Variants in LHX2 observed in about 807,000 individuals in gnomAD.
LHX2 encodes LIM homeobox 2.
LHX2 carries 6 observed loss-of-function variants against 33.0 expected under a neutral mutation model. The ratio of observed to expected loss-of-function variants is 0.18; its 90% CI spans 0.10 to 0.36. LHX2 has a LOEUF of 0.36. LHX2 is among the 10% of genes least tolerant of loss of function. LHX2 has a pLI of 1.00. For missense variants in LHX2, 442 were observed against 586.2 expected, an observed-to-expected ratio of 0.75 and a Z score of 2.54; for synonymous variants, 292 against 253.1, an observed-to-expected ratio of 1.15 and a Z score of -1.46.
chr9:124,030,833 A>G (rs1285501164), intron 4 of LHX2, among the ~76,000 whole-genome samples: 1 of 151,820 alleles, frequency 6.6e-6, no homozygotes, highest in East Asian at 1.9e-4. Context: ...GGGTTTCACC[A>G]TGTTGGACAG....
Position 124,012,323 on chromosome 9 carries a change from C to G in LHX2, c.-26C>G. The G allele has an allele frequency of 2.0e-6, 3 of 1,482,368 alleles. No homozygotes were observed. The highest frequency in any genetic ancestry group is 2.7e-6 in the Non-Finnish European group (3 of 1,121,504). 91.8% of individuals were successfully genotyped at this position (1,482,368 alleles called of 1,614,324 possible). A position where few individuals can be genotyped will look rare whatever the true frequency, so the allele number is the denominator to read the frequency against. On this transcript the variant is annotated 5_prime_UTR_variant, in exon 1 of 5. Transcript: ENST00000373615. This position sits in a 1 kb window ranked among gnomAD's most constrained non-coding sequence, Gnocchi z 4.3. Reference sequence around the variant, plus strand: ...CAAGCCCTCCCTCGGAGGAGCCGCGCCCCCGGCCCCGCCGGTCCCGCCGCG... The same window carrying G: ...CAAGCCCTCCCTCGGAGGAGCCGCGGCCCCGGCCCCGCCGGTCCCGCCGCG...
At chr9:124,026,460 C>CA (rs112864105) in intron 4 of LHX2, among the ~76,000 whole-genome samples, 3,768 of 78,604 alleles carry the variant, frequency 0.048, 148 homozygotes, top group African/African-American at 0.14. Flanking sequence ...GACTCTGTCT[C>CA]AAAAAAAAAA....
At chr9:124,019,814 C>T (rs1322251940) in intron 3 of LHX2, among the ~76,000 whole-genome samples, 3 of 152,212 alleles carry the variant, frequency 2.0e-5, no homozygotes, top group African/African-American at 7.2e-5. Context: ...ATGAGGCTTA[C>T]CCCAAGGCAA....
chr9:124,018,287 G>A (rs115954919), intron 3 of LHX2, among the ~76,000 whole-genome samples: 34 of 132,380 alleles, frequency 2.6e-4, no homozygotes, highest in Middle Eastern at 4.4e-3. Context: ...AAAAAAAAAA[G>A]GAGAGAGAAA....
chr9:124,032,519 A>G lies in LHX2; in HGVS notation c.1033A>G (p.Thr345Ala). 2 of 1,613,732 alleles carry G rather than the reference A, an allele frequency of 1.2e-6. No homozygotes were observed. Among genetic ancestry groups the G allele is most frequent in the Admixed American group, 1.7e-5 (1 of 60,014 alleles). Residue 345 changes from threonine (T) to alanine (A), a missense_variant, in exon 5 of 5, where the codon ACG becomes GCG. Thr to Ala is a moderately conservative substitution (Grantham distance 58). Coordinates refer to ENST00000373615, the MANE Select transcript of LHX2 (RefSeq NM_004789.4). This position sits in a 1 kb window ranked among gnomAD's most constrained non-coding sequence, Gnocchi z 4.1. The stretch of plus-strand genomic sequence containing the variant: ...GACAGACGCGGCGCTGCAGACAGGG[A>G]CGCCATCGGGCCCGGCCTCGGAGCT... ...KSTDAALQTG[T>A]PSGPASELSN...
chr9:124,019,500 G>T (rs1045010492), intron 3 of LHX2, among the ~76,000 whole-genome samples: 5 of 152,194 alleles, frequency 3.3e-5, no homozygotes, highest in African/African-American at 9.7e-5. Flanking sequence ...TTTGAAATTT[G>T]TAGTATAAGT....
At chr9:124,029,586 A>AG (rs1301977850) in intron 4 of LHX2, among the ~76,000 whole-genome samples, 1 of 152,186 alleles carries the variant, frequency 6.6e-6, no homozygotes, top group Admixed American at 6.5e-5. Flanking sequence ...GCCCACTGTT[A>AG]GGGGCAACAG....
chr9:124,021,370 T>C (rs2118764506), intron 4 of LHX2, 66 bp downstream of exon 4: 1 of 1,465,168 alleles, frequency 6.8e-7, no homozygotes, highest in Non-Finnish European at 9.4e-7. Flanking sequence ...CCTGCACCCC[T>C]CGCCGTGGGC....
chr9:124,014,293 C>A lies in LHX2; in HGVS notation c.323+130C>A, dbSNP rs574111621. ...CTACTCAGGACTCCCCCGCTCCCCC[C>A]CCAAGTTCTCCAAGCCACCACAAGT... On this transcript the variant is annotated intron_variant, in intron 2 of 4. Coordinates refer to ENST00000373615, the MANE Select transcript of LHX2 (RefSeq NM_004789.4). The surrounding 1 kb of genome is among the most constrained non-coding windows in gnomAD (Gnocchi z 4.8). 1.5e-4 allele frequency: 95 copies of A among 622,438 alleles called. No homozygotes were observed. Among genetic ancestry groups the A allele is most frequent in the Middle Eastern group, 8.7e-4 (2 of 2,298 alleles). 38.6% of individuals were successfully genotyped at this position (622,438 alleles called of 1,614,324 possible). A position where few individuals can be genotyped will look rare whatever the true frequency, so the allele number is the denominator to read the frequency against.
Position 124,012,217 on chromosome 9 carries a change from G to C in LHX2, c.-132G>C. On this transcript the variant is annotated 5_prime_UTR_variant, in exon 1 of 5. Transcript: ENST00000373615. The surrounding 1 kb of genome is among the most constrained non-coding windows in gnomAD (Gnocchi z 4.3). ...CGGAGCCCGGCCTGGGGGCTCAGCC[G>C]AGCTCGGGCGGGGCCGGGGCCGCGG... 1.1e-6 allele frequency: 1 copy of C among 946,402 alleles called. No individual in the cohort carries two copies. 58.6% of individuals were successfully genotyped at this position (946,402 alleles called of 1,614,324 possible).
In LHX2 at chr9:124,015,589, G is replaced by A; in HGVS notation, c.727+64G>A. On this transcript the variant is annotated intron_variant, in intron 3 of 4. Coordinates refer to ENST00000373615, the MANE Select transcript of LHX2 (RefSeq NM_004789.4). This position sits in a 1 kb window ranked among gnomAD's most constrained non-coding sequence, Gnocchi z 7.9. ...GGGAAAGTGTGCGGCCTCGACGGCC[G>A]GGAGCTGGATTGAATCTCTGTGTGC... is the stretch of plus-strand genomic sequence containing the variant. The A allele has an allele frequency of 7.0e-7, 1 of 1,425,648 alleles. No individual in the cohort carries two copies. Among genetic ancestry groups the A allele is most frequent in the Non-Finnish European group, 9.3e-7 (1 of 1,080,612 alleles). 88.3% of individuals were successfully genotyped at this position (1,425,648 alleles called of 1,614,324 possible). A position where few individuals can be genotyped will look rare whatever the true frequency, so the allele number is the denominator to read the frequency against.
chr9:124,021,074 C>T (rs1183979860), intron 3 of LHX2, 25 bp from the exon 4 acceptor site: 7 of 1,611,626 alleles, frequency 4.3e-6, no homozygotes, highest in Non-Finnish European at 5.9e-6. Flanking sequence ...GAAGTTCACC[C>T]ACCGGCTCTG....
chr9:124,015,373 C>T lies in LHX2; in HGVS notation c.575C>T (p.Ala192Val). ...GCCGACGTGGCAGCGGCGGCCGCTG[C>T]AGCCGCGGCGGCCAAGAGCGCGGGG... ...NHADVAAAAAAAAAAKSAGLG... is the reference protein window; with the variant it reads ...NHADVAAAAAVAAAAKSAGLG... The change falls in exon 3 of 5, where the codon GCA becomes GTA. Residue 192 changes from alanine (A) to valine (V), a missense_variant. By Grantham distance (64) the Ala-to-Val change is moderately conservative. Around this residue, in one of 5 missense-constraint regions of LHX2, gnomAD observed 132 missense variants for 139.1 expected, o/e 0.95. Transcript: ENST00000373615. The surrounding 1 kb of genome is among the most constrained non-coding windows in gnomAD (Gnocchi z 7.9). The T allele has an allele frequency of 6.2e-7, 1 of 1,609,902 alleles. No individual in the cohort carries two copies. Among genetic ancestry groups the T allele is most frequent in the East Asian group, 2.2e-5 (1 of 44,774 alleles).
rs1859156973 is a variant in LHX2, at chr9:124,014,866, C to T, written c.324-256C>T. 2.0e-5 allele frequency among the ~76,000 whole-genome samples: 3 copies of T among 152,192 alleles called. No individual in the cohort carries two copies. The highest frequency in any genetic ancestry group is 4.4e-5 in the Non-Finnish European group (3 of 68,034). Reference sequence around the variant, plus strand: ...GTCTCCCTCCACTCCCAGGTAAAGGCTTTCCTAGGGCTTGCGGAGACTCTG... The same window carrying T: ...GTCTCCCTCCACTCCCAGGTAAAGGTTTTCCTAGGGCTTGCGGAGACTCTG... On this transcript the variant is annotated intron_variant, in intron 2 of 4. Coordinates refer to ENST00000373615, the MANE Select transcript of LHX2 (RefSeq NM_004789.4). This position sits in a 1 kb window ranked among gnomAD's most constrained non-coding sequence, Gnocchi z 4.8.
chr9:124,021,160 C>T lies in LHX2; in HGVS notation c.789C>T (p.Ser263=). ...ACCGTGACCAGCCATACCCGAGCAG[C>T]CAGAAGACCAAGCGCATGCGCACGT... ...HLDRDQPYPS[S]QKTKRMRTSF... is the part of the protein sequence containing the mutation. The change falls in exon 4 of 5, where the codon AGC becomes AGT. Residue 263 remains serine, a synonymous_variant. Coordinates refer to ENST00000373615, the MANE Select transcript of LHX2 (RefSeq NM_004789.4). The T allele has an allele frequency of 6.2e-7, 1 of 1,614,238 alleles. No individual in the cohort carries two copies. Among genetic ancestry groups the T allele is most frequent in the Non-Finnish European group, 8.5e-7 (1 of 1,180,048 alleles).
At chr9:124,023,293 C>T (rs74512706) in intron 4 of LHX2, among the ~76,000 whole-genome samples, 93 of 152,204 alleles carry the variant, frequency 6.1e-4, no homozygotes, top group African/African-American at 2.1e-3. Context: ...TACACTAACA[C>T]GAACGATAGT....
In LHX2 at chr9:124,032,094, C is replaced by T. The variant is rs80150181; in HGVS notation, c.934-326C>T. 7.2e-5 allele frequency: 18 copies of T among 251,590 alleles called. 2 individuals are homozygous for T. The South Asian group carries it at 1.0e-3, about 14-fold the overall frequency. The allele number at this position is 251,590 out of a possible 1,614,324, so 15.6% of individuals were successfully genotyped here. A position where few individuals can be genotyped will look rare whatever the true frequency, so the allele number is the denominator to read the frequency against. The stretch of plus-strand genomic sequence containing the variant: ...TACAAAAAATAACTTAAAAAGTTAG[C>T]GGGGCCGGTGGTGCTCACCTATCTA... On this transcript the variant is annotated intron_variant, in intron 4 of 4. Coordinates refer to ENST00000373615, the MANE Select transcript of LHX2 (RefSeq NM_004789.4). The surrounding 1 kb of genome is among the most constrained non-coding windows in gnomAD (Gnocchi z 4.1).
chr9:124,025,867 C>T (rs1828613674), intron 4 of LHX2, among the ~76,000 whole-genome samples: 1 of 152,000 alleles, frequency 6.6e-6, no homozygotes, highest in Non-Finnish European at 1.5e-5. Flanking sequence ...CACCTGTAGT[C>T]CCAGGTACTC....
chr9:124,029,620 C>T lies in LHX2; in HGVS notation c.934-2800C>T, dbSNP rs187134986. 3.9e-5 allele frequency among the ~76,000 whole-genome samples: 6 copies of T among 152,320 alleles called. No individual in the cohort carries two copies. The East Asian group carries it at 1.2e-3, about 29-fold the overall frequency. On this transcript the variant is annotated intron_variant, in intron 4 of 4. Coordinates refer to ENST00000373615, the MANE Select transcript of LHX2 (RefSeq NM_004789.4). ...AGCCTGAGAAATAGCAAACAGCCGG[C>T]AACTAACCGGGTCCAGCCCTGCCCG... is the stretch of plus-strand genomic sequence containing the variant.
Sources: allele counts gnomAD v4.1 joint callset (sites outside exome capture counted in the v4.1 genomes callset), GRCh38; gene constraint gnomAD v4.1.1; regional missense constraint gnomAD v4.1.1; non-coding constraint Gnocchi (gnomAD v3.1); transcripts MANE v1.5; gene names NCBI Gene and HGNC (gene_info 2026-07-23, HGNC 2026-07-21).